The following LAPTM5 variants were observed in gnomAD, a reference collection of about 807,000 sequenced individuals.
LAPTM5 encodes lysosomal-associated transmembrane protein 5.
Under a neutral mutation model 30.1 loss-of-function variants are expected in LAPTM5, and 11 were observed. The observed-to-expected ratio is 0.37, with a 90% CI of 0.23 to 0.60. LAPTM5 has a LOEUF of 0.60. LAPTM5 is among the 20% of genes least tolerant of loss of function. The probability of loss-of-function intolerance (pLI) is 0.71; values close to 1 mark genes in which losing one functional copy is unlikely to be tolerated. For missense variants in LAPTM5, 324 were observed against 332.5 expected (o/e 0.97, Z 0.20); for synonymous variants, 151 against 137.9 (o/e 1.10, Z -0.67).
intron 1 of LAPTM5, among the ~76,000 whole-genome samples, chr1:30,755,490 C>T (rs1047647810): frequency 6.6e-6 from 1 of 152,144 alleles, no homozygotes; most frequent in Non-Finnish European, 1.5e-5. Context: ...CCATTGCTCA[C>T]CTGTTTCTCC....
At chr1:30,742,859 A>T (rs1487872467) in intron 1 of LAPTM5, among the ~76,000 whole-genome samples, 1 of 152,160 alleles carries the variant, frequency 6.6e-6, no homozygotes, top group Non-Finnish European at 1.5e-5. Context: ...TACTGTGAGG[A>T]GTAAATGAGA....
chr1:30,752,048 G>A (rs1247257517), intron 1 of LAPTM5, among the ~76,000 whole-genome samples: 2 of 152,212 alleles, frequency 1.3e-5, no homozygotes, highest in Admixed American at 6.5e-5. Context: ...AGAGCTTCCT[G>A]GAGGAGGAAG....
chr1:30,748,823 G>A (rs1640087054), intron 1 of LAPTM5, among the ~76,000 whole-genome samples: 1 of 152,232 alleles, frequency 6.6e-6, no homozygotes, highest in Admixed American at 6.5e-5. Context: ...TGGGCTCTGG[G>A]GCTCACAGAC....
At chr1:30,751,461 A>T (rs935795431) in intron 1 of LAPTM5, among the ~76,000 whole-genome samples, 4 of 152,234 alleles carry the variant, frequency 2.6e-5, no homozygotes, top group Admixed American at 2.6e-4. Flanking sequence ...GAGTGGGGCC[A>T]GGCACTATGG....
Position 30,733,859 on chromosome 1 carries a change from C to T in LAPTM5, c.758G>A (p.Gly253Asp), listed in dbSNP as rs1240744096. 1.2e-6 allele frequency: 2 copies of T among 1,609,656 alleles called. No individual in the cohort carries two copies. The highest frequency in any genetic ancestry group is 1.7e-6 in the Non-Finnish European group (2 of 1,178,942). ...LSLPSKTPEG[G>D]PAPPPYSEV ...CTCTGAGTATGGGGGTGGTGCTGGG[C>T]CCCCCTCTGGGGTCTTCGATGGCAA... Residue 253 changes from glycine (G) to aspartate (D), a missense_variant, in exon 8 of 8, where the codon GGC (glycine) becomes GAC (aspartate). Coordinates refer to ENST00000294507, the MANE Select transcript of LAPTM5 (RefSeq NM_006762.3).
At chr1:30,756,046 T>C (rs1390520399) in intron 1 of LAPTM5, among the ~76,000 whole-genome samples, 1 of 152,144 alleles carries the variant, frequency 6.6e-6, no homozygotes, top group Non-Finnish European at 1.5e-5. Flanking sequence ...CCCCTGACTT[T>C]ATAAAAGGGA....
At chr1:30,750,961 C>A (rs544615972) in intron 1 of LAPTM5, among the ~76,000 whole-genome samples, 51 of 152,356 alleles carry the variant, frequency 3.3e-4, no homozygotes, top group Non-Finnish European at 6.6e-4. Flanking sequence ...TGCTTTGTGC[C>A]ACTTCCCTTG....
chr1:30,741,652 G>A lies in LAPTM5; in HGVS notation c.246C>T (p.Ile82=), dbSNP rs368273555. The part of the protein sequence containing the change: ...MLFIISLSLL[I]GVVKNREKYL... ...CCTGAGCCCTCACCTTGACTACGCCGATCAGTAGGCTCAGGCTGATGATGA... is the reference window on the plus strand; with the variant it reads ...CCTGAGCCCTCACCTTGACTACGCCAATCAGTAGGCTCAGGCTGATGATGA... Residue 82 remains isoleucine (I), a synonymous_variant, in exon 3 of 8, where the codon ATC becomes ATT. Coordinates refer to ENST00000294507, the MANE Select transcript of LAPTM5 (RefSeq NM_006762.3). 19 of 1,603,142 alleles carry A rather than the reference G, an allele frequency of 1.2e-5. No individual in the cohort carries two copies. The highest frequency in any genetic ancestry group is 9.0e-5 in the South Asian group (8 of 89,090).
At chr1:30,737,880 C>T (rs1409045268) in intron 5 of LAPTM5, among the ~76,000 whole-genome samples, 181 bp from the exon 6 acceptor site, 2 of 152,214 alleles carry the variant, frequency 1.3e-5, no homozygotes, top group Non-Finnish European at 2.9e-5. Context: ...AGCCCCATCC[C>T]ACTGACGGGC....
intron 1 of LAPTM5, among the ~76,000 whole-genome samples, chr1:30,751,613 C>T (rs1218465121): frequency 6.6e-6 from 1 of 152,244 alleles, no homozygotes; most frequent in Non-Finnish European, 1.5e-5. Flanking sequence ...ATGGCACACA[C>T]CTGTGATTCC....
intron 1 of LAPTM5, among the ~76,000 whole-genome samples, chr1:30,749,827 T>C (rs1474561957): frequency 2.0e-5 from 3 of 152,144 alleles, no homozygotes; most frequent in Admixed American, 2.0e-4. Context: ...CTTAGTAAAC[T>C]GTGATTTGGC....
At position 30,749,253 on chromosome 1, in the gene LAPTM5, C is replaced by T. The variant is rs77190466; in HGVS notation, c.88-6704G>A. ...AAAGAAGTGCTCACAAAAGAACACG[C>T]GCTGCAGAATTTCATTTCTACGTAA... is the stretch of plus-strand genomic sequence containing the variant. On this transcript the variant is annotated intron_variant, in intron 1 of 7. Coordinates refer to ENST00000294507, the MANE Select transcript of LAPTM5 (RefSeq NM_006762.3). Among the ~76,000 whole-genome samples, 1,091 of 152,270 alleles carry T rather than the reference C, an allele frequency of 7.2e-3. 24 individuals are homozygous for T. Among genetic ancestry groups the T allele is most frequent in the East Asian group, 0.03 (153 of 5,184 alleles).
intron 2 of LAPTM5, chr1:30,741,959 A>C (rs1400750446): frequency 2.5e-6 from 1 of 405,462 alleles, no homozygotes; most frequent in African/African-American, 2.1e-5. Flanking sequence ...GGTCCACTTC[A>C]GCCAGGGTGA....
At chr1:30,734,782 T>G (rs1411979084) in intron 7 of LAPTM5, among the ~76,000 whole-genome samples, 1 of 152,188 alleles carries the variant, frequency 6.6e-6, no homozygotes, top group Non-Finnish European at 1.5e-5. Context: ...ACCAGTTAAC[T>G]GTCACCTCCT....
At chr1:30,745,182 C>A (rs1332338959) in intron 1 of LAPTM5, among the ~76,000 whole-genome samples, 1 of 152,188 alleles carries the variant, frequency 6.6e-6, no homozygotes, top group Non-Finnish European at 1.5e-5. Context: ...TTCCCCACTA[C>A]CCAGAAAAGG....
intron 1 of LAPTM5, among the ~76,000 whole-genome samples, chr1:30,750,493 C>T (rs942925743): frequency 1.3e-5 from 2 of 152,210 alleles, no homozygotes; most frequent in Admixed American, 6.5e-5. Context: ...ACCATACACT[C>T]TCTCGTGTCA....
chr1:30,737,622 G>C lies in LAPTM5; in HGVS notation c.588C>G (p.Ile196Met), dbSNP rs1639906786. 1.9e-6 allele frequency: 3 copies of C among 1,612,982 alleles called. No homozygotes were observed. Among genetic ancestry groups the C allele is most frequent in the African/African-American group, 1.3e-5 (1 of 74,916 alleles). The stretch of plus-strand genomic sequence containing the variant: ...CACTCACCTTGAAGATAAGGACAGT[G>C]ATGAAGGCGATGGAAAAGATGATCA... ...KMMIIFSIAF[I>M]TVLIFKVYMF... Residue 196 changes from isoleucine to methionine, a missense_variant, in exon 6 of 8, where the codon ATC becomes ATG. Coordinates refer to ENST00000294507, the MANE Select transcript of LAPTM5 (RefSeq NM_006762.3).
chr1:30,742,416 C>T, intron 2 of LAPTM5, 40 bp downstream of exon 2: 2 of 1,475,504 alleles, frequency 1.4e-6, no homozygotes, highest in Non-Finnish European at 1.9e-6. Context: ...CCTCCCTGTC[C>T]TCCTCCCCCC....
chr1:30,733,535 C>T lies in LAPTM5; in HGVS notation c.*293G>A. The T allele has an allele frequency of 6.8e-7, 1 of 1,460,160 alleles. No homozygotes were observed. The highest frequency in any genetic ancestry group is 9.1e-7 in the Non-Finnish European group (1 of 1,099,188). The allele number at this position is 1,460,160 out of a possible 1,614,324, so 90.5% of individuals were successfully genotyped here. On this transcript the variant is annotated 3_prime_UTR_variant, in exon 8 of 8. Transcript: ENST00000294507. Reference sequence around the variant, plus strand: ...GATAGTTGCTTGACAAACTCACCAACTTTAGAATGGCCAATCGTCTAAACA... The same window carrying T: ...GATAGTTGCTTGACAAACTCACCAATTTTAGAATGGCCAATCGTCTAAACA...
Sources: allele counts gnomAD v4.1 joint callset (sites outside exome capture counted in the v4.1 genomes callset), GRCh38; gene constraint gnomAD v4.1.1; transcripts MANE v1.5; gene names NCBI Gene and HGNC (gene_info 2026-07-23, HGNC 2026-07-21).